The following CNRIP1 variants were observed in gnomAD, a reference collection of about 807,000 sequenced individuals.
CNRIP1 encodes the protein cannabinoid receptor interacting protein 1.
A neutral mutation model predicts 15.2 loss-of-function variants in CNRIP1; 10 were observed. The ratio of observed to expected loss-of-function variants is 0.66; its 90% CI spans 0.41 to 1.12. The LOEUF (loss-of-function observed/expected upper bound fraction) is 1.12, where lower values mean the gene tolerates loss of function less well. CNRIP1 is among the 50% of genes most tolerant of loss of function. CNRIP1 has a pLI of 0.00. For missense variants in CNRIP1, 211 were observed against 214.7 expected, an observed-to-expected ratio of 0.98 and a Z score of 0.11; for synonymous variants, 91 against 83.2, an observed-to-expected ratio of 1.09 and a Z score of -0.51.
intron 2 of CNRIP1, among the ~76,000 whole-genome samples, chr2:68,306,631 C>T (rs904753652): frequency 5.3e-5 from 8 of 151,912 alleles, no homozygotes; most frequent in East Asian, 1.9e-4. Flanking sequence ...AAATACAAAA[C>T]TTAGCTGGGC....
At chr2:68,298,528 G>A (rs1214869938) in intron 2 of CNRIP1, among the ~76,000 whole-genome samples, 3 of 152,088 alleles carry the variant, frequency 2.0e-5, no homozygotes, top group Non-Finnish European at 4.4e-5. Context: ...ATTTTCAAAA[G>A]TCTCAATCTA....
chr2:68,287,568 C>T (rs960495740), intron 2 of CNRIP1, among the ~76,000 whole-genome samples: 3 of 152,204 alleles, frequency 2.0e-5, no homozygotes, highest in Admixed American at 6.5e-5. Context: ...GGTTCCATGC[C>T]GTATCTTCTC....
intron 2 of CNRIP1, among the ~76,000 whole-genome samples, chr2:68,309,356 C>G (rs1382205837): frequency 3.3e-5 from 5 of 152,196 alleles, no homozygotes; most frequent in Non-Finnish European, 5.9e-5. Context: ...ATTGAGAATT[C>G]AAGACATTCC....
At chr2:68,285,206 C>G (rs1285109330) in intron 2 of CNRIP1, among the ~76,000 whole-genome samples, 1 of 151,992 alleles carries the variant, frequency 6.6e-6, no homozygotes, top group African/African-American at 2.4e-5. Flanking sequence ...TCTGCGCTGT[C>G]TCATTTTCCC....
At chr2:68,301,360 A>T (rs531471963) in intron 2 of CNRIP1, among the ~76,000 whole-genome samples, 1 of 152,318 alleles carries the variant, frequency 6.6e-6, no homozygotes, top group South Asian at 2.1e-4. Context: ...TCAGCAAAGG[A>T]AAGTTTTTCA....
intron 2 of CNRIP1, among the ~76,000 whole-genome samples, chr2:68,302,971 C>G (rs1238223731): frequency 1.3e-5 from 2 of 151,706 alleles, no homozygotes; most frequent in African/African-American, 4.8e-5. Flanking sequence ...CCTCAGCCTC[C>G]CGAGTAGCTG....
Position 68,293,671 on chromosome 2 carries a change from C to T in CNRIP1, c.*191G>A, listed in dbSNP as rs1057247378. 7 of 1,345,954 alleles carry T rather than the reference C, an allele frequency of 5.2e-6. No homozygotes were observed. In the African/African-American group the frequency reaches 1.0e-4, roughly 20 times the overall value. 83.4% of individuals were successfully genotyped at this position (1,345,954 alleles called of 1,614,324 possible). A position where few individuals can be genotyped will look rare whatever the true frequency, so the allele number is the denominator to read the frequency against. Reference sequence around the variant, plus strand: ...GATGGGAATATTCTCGGGAGTGGTACATCACCATCTTGTATGTGAGGGATA... The same window carrying T: ...GATGGGAATATTCTCGGGAGTGGTATATCACCATCTTGTATGTGAGGGATA... On this transcript the variant is annotated 3_prime_UTR_variant, in exon 3 of 3. Transcript: ENST00000263655.
chr2:68,317,255 G>A lies in CNRIP1; in HGVS notation c.232C>T (p.Pro78Ser), dbSNP rs781374091. The A allele has an allele frequency of 6.2e-7, 1 of 1,613,980 alleles. No individual in the cohort carries two copies. The highest frequency in any genetic ancestry group is 8.5e-7 in the Non-Finnish European group (1 of 1,180,008). The part of the protein sequence containing the change: ...LVPLELKSKE[P>S]DGDRVVYTGT... ...GTATAAACAACTCTGTCCCCATCAG[G>A]CTCTTTAGACTTCAGTTCCAGTGGG... is the stretch of plus-strand genomic sequence containing the variant. Residue 78 changes from proline (P) to serine (S), a missense_variant, in exon 2 of 3, where the codon CCT (proline) becomes TCT (serine). Transcript: ENST00000263655.
At chr2:68,301,735 C>CA (rs1671613035) in intron 2 of CNRIP1, among the ~76,000 whole-genome samples, 1 of 151,552 alleles carries the variant, frequency 6.6e-6, no homozygotes, top group South Asian at 2.1e-4. Flanking sequence ...ACTAAAAATA[C>CA]AAAAAAATTG....
At chr2:68,288,546 T>C (rs1671087927), downstream of CNRIP1, among the ~76,000 whole-genome samples, 1 of 152,200 alleles carries the variant, frequency 6.6e-6, no homozygotes, top group African/African-American at 2.4e-5. Context: ...GGAAATGAAA[T>C]ACCCTACTTG....
downstream of CNRIP1, among the ~76,000 whole-genome samples, chr2:68,291,881 A>C (rs1671182320): frequency 2.3e-5 from 1 of 43,622 alleles, no homozygotes; most frequent in African/African-American, 7.8e-5. Flanking sequence ...TCCATCTCAA[A>C]AAAAAAAAAA....
intron 2 of CNRIP1, among the ~76,000 whole-genome samples, chr2:68,296,561 T>C (rs932939909): frequency 1.7e-5 from 2 of 115,488 alleles, no homozygotes; most frequent in African/African-American, 3.1e-5. Flanking sequence ...TGTATATATG[T>C]GTATGTGTGT....
chr2:68,293,624 A>G lies in CNRIP1; in HGVS notation c.*238T>C. On this transcript the variant is annotated 3_prime_UTR_variant, in exon 3 of 3. Coordinates refer to ENST00000263655, the MANE Select transcript of CNRIP1 (RefSeq NM_015463.3). ...AGTATGACCGAGAACAACTGGATGC[A>G]GGAACATCAGCACAAAATACAGATG... 1 of 1,192,336 alleles carries G rather than the reference A, an allele frequency of 8.4e-7. No homozygotes were observed. Among genetic ancestry groups the G allele is most frequent in the Non-Finnish European group, 1.0e-6 (1 of 953,666 alleles). 73.9% of individuals were successfully genotyped at this position (1,192,336 alleles called of 1,614,324 possible).
intron 2 of CNRIP1, among the ~76,000 whole-genome samples, chr2:68,294,448 G>A (rs1309470450): frequency 6.6e-6 from 1 of 152,096 alleles, no homozygotes; most frequent in African/African-American, 2.4e-5. Flanking sequence ...TTGAAGCCAG[G>A]GGTTCCAGAA....
Position 68,293,363 on chromosome 2 carries a change from T to C in CNRIP1, c.*499A>G. On this transcript the variant is annotated 3_prime_UTR_variant, in exon 3 of 3. Transcript: ENST00000263655. Reference sequence around the variant, plus strand: ...ACAACATTTGAGTCCCATTCACTGCTGTTTGTATTACATTTTCACAAAGCC... The same window carrying C: ...ACAACATTTGAGTCCCATTCACTGCCGTTTGTATTACATTTTCACAAAGCC... The C allele has an allele frequency of 2.0e-6, 2 of 986,858 alleles. No homozygotes were observed. The highest frequency in any genetic ancestry group is 2.4e-6 in the Non-Finnish European group (2 of 830,788). 61.1% of individuals were successfully genotyped at this position (986,858 alleles called of 1,614,324 possible). A position where few individuals can be genotyped will look rare whatever the true frequency, so the allele number is the denominator to read the frequency against.
intron 2 of CNRIP1, among the ~76,000 whole-genome samples, chr2:68,313,919 C>G (rs1287472985): frequency 2.6e-5 from 4 of 152,120 alleles, no homozygotes; most frequent in African/African-American, 9.7e-5. Context: ...CACTCTATGC[C>G]CACCATGTTG....
intron 2 of CNRIP1, among the ~76,000 whole-genome samples, chr2:68,312,414 T>C (rs1272921716): frequency 6.6e-6 from 1 of 152,152 alleles, no homozygotes; most frequent in Non-Finnish European, 1.5e-5. Context: ...TTATAATACG[T>C]TCATGATTAA....
chr2:68,303,559 A>G (rs1671699531), intron 2 of CNRIP1, among the ~76,000 whole-genome samples: 1 of 152,224 alleles, frequency 6.6e-6, no homozygotes, highest in African/African-American at 2.4e-5. Context: ...CTTTAGATGT[A>G]AACAGAACAC....
chr2:68,300,881 A>T (rs79409107), intron 2 of CNRIP1, among the ~76,000 whole-genome samples: 3,782 of 152,300 alleles, frequency 0.025, 153 homozygotes, highest in African/African-American at 0.087. Context: ...TCCTTGAAAG[A>T]CACAAACTAT....
Sources: gnomAD v4.1 joint callset for allele counts (sites outside exome capture counted in the v4.1 genomes callset) on GRCh38, gnomAD v4.1.1 for gene constraint, MANE v1.5 for transcripts, NCBI Gene and HGNC (gene_info 2026-07-23, HGNC 2026-07-21) for gene names.